Variants in HECW2 observed in about 807,000 individuals in gnomAD.
The protein encoded by HECW2 is E3 ubiquitin-protein ligase HECW2.
In HECW2, 61 loss-of-function variants were observed where a neutral mutation model predicts 175.2. The observed-to-expected ratio is 0.35, with a 90% CI of 0.28 to 0.43. HECW2 has a LOEUF of 0.43. Among genes scored for constraint, HECW2 ranks in the 20% least tolerant of loss-of-function variants. HECW2 has a pLI of 1.00. For missense variants in HECW2, 1,524 were observed against 2,000.5 expected, an observed-to-expected ratio of 0.76 and a Z score of 4.54; for synonymous variants, 671 against 731.0, an observed-to-expected ratio of 0.92 and a Z score of 1.32.
chr2:196,301,724 TG>T (rs61607826), intron 13 of HECW2, among the ~76,000 whole-genome samples: 16,104 of 137,982 alleles, frequency 0.12, 952 homozygotes, highest in South Asian at 0.2. Context: ...TTAATGGGAT[TG>T]TTTTTTTTTT....
rs1332736034 is a variant in HECW2 at position 196,307,125 on chromosome 2, C to G, written c.2689+5G>C. 3.1e-6 allele frequency: 5 copies of G among 1,597,762 alleles called. No individual in the cohort carries two copies. Among genetic ancestry groups the G allele is most frequent in the Non-Finnish European group, 4.3e-6 (5 of 1,165,252 alleles). On this transcript the variant is annotated splice_donor_5th_base_variant and intron_variant, in intron 12 of 28. Transcript: ENST00000644978. ...AATTACAAAAACAAAGCCCAAAGCT[C>G]TTACCTGCACTGGCTTGGTGAAAGT...
At chr2:196,408,030 A>G (rs912989905) in intron 2 of HECW2, among the ~76,000 whole-genome samples, 1 of 152,226 alleles carries the variant, frequency 6.6e-6, no homozygotes, top group African/African-American at 2.4e-5. Flanking sequence ...GTTTCACACC[A>G]TCCAGCACCT....
intron 1 of HECW2, among the ~76,000 whole-genome samples, chr2:196,482,875 T>A (rs1430743777): frequency 6.6e-6 from 1 of 152,292 alleles, no homozygotes; most frequent in East Asian, 1.9e-4. Context: ...TGGTTACACA[T>A]CGCAACACCA....
At chr2:196,565,106 G>A (rs1288403604) in intron 1 of HECW2, among the ~76,000 whole-genome samples, 1 of 152,034 alleles carries the variant, frequency 6.6e-6, no homozygotes, top group African/African-American at 2.4e-5. Context: ...ACTTCACAAT[G>A]AAGTCCAACT....
At chr2:196,357,379 C>T (rs745877142) in intron 2 of HECW2, among the ~76,000 whole-genome samples, 1 of 152,148 alleles carries the variant, frequency 6.6e-6, no homozygotes, top group Non-Finnish European at 1.5e-5. Context: ...AGTCAAACAC[C>T]ATCCTGTAAT....
chr2:196,416,673 C>T (rs1394027230), intron 2 of HECW2, among the ~76,000 whole-genome samples: 1 of 152,220 alleles, frequency 6.6e-6, no homozygotes, highest in Non-Finnish European at 1.5e-5. Context: ...ATTCCAAACC[C>T]TGCATGTGTG....
At chr2:196,454,424 C>T (rs1359488404) in intron 1 of HECW2, among the ~76,000 whole-genome samples, 1 of 152,110 alleles carries the variant, frequency 6.6e-6, no homozygotes, top group African/African-American at 2.4e-5. Flanking sequence ...GATGTATATA[C>T]CATAATTTAG....
intron 3 of HECW2, among the ~76,000 whole-genome samples, chr2:196,342,690 C>T (rs564723824): frequency 1.2e-3 from 188 of 152,220 alleles, no homozygotes; most frequent in African/African-American, 3.9e-3. Flanking sequence ...GAGTTATCTG[C>T]AGCCAATGTC....
chr2:196,546,785 C>T (rs1315128026), intron 1 of HECW2, among the ~76,000 whole-genome samples: 4 of 147,722 alleles, frequency 2.7e-5, no homozygotes, highest in Non-Finnish European at 5.9e-5. Context: ...GAATGCAACT[C>T]GTACAGAGAG....
In HECW2 at chr2:196,309,766, A is replaced by AT. The variant is rs1252934233; in HGVS notation, c.2435-1682dup. Among the ~76,000 whole-genome samples, 4 of 152,324 alleles carry AT rather than the reference A, an allele frequency of 2.6e-5. No homozygotes were observed. In the East Asian group the frequency reaches 7.7e-4, roughly 29 times the overall value. On this transcript the variant is annotated intron_variant, in intron 10 of 28. Coordinates refer to ENST00000644978, the MANE Select transcript of HECW2 (RefSeq NM_001348768.2). ...AAAATGTAGAATAGGTCAATTCAGG[A>AT]TAAAAAAATAGAGACCAACTAGACC...
At chr2:196,399,331 G>A (rs996600240) in intron 2 of HECW2, among the ~76,000 whole-genome samples, 1 of 152,132 alleles carries the variant, frequency 6.6e-6, no homozygotes, top group Non-Finnish European at 1.5e-5. Context: ...ATTACAAAGA[G>A]GTTAAAGTAA....
chr2:196,309,345 C>A (rs192332912), intron 10 of HECW2, among the ~76,000 whole-genome samples: 72 of 152,322 alleles, frequency 4.7e-4, no homozygotes, highest in Non-Finnish European at 8.8e-4. Context: ...AAAAGCACCA[C>A]ACAGACAGCA....
At chr2:196,458,798 G>C (rs769046320) in intron 1 of HECW2, among the ~76,000 whole-genome samples, 2 of 152,168 alleles carry the variant, frequency 1.3e-5, no homozygotes, top group Non-Finnish European at 2.9e-5. Flanking sequence ...CCCAGGAGGA[G>C]GAGGTTGCAG....
At chr2:196,254,956 T>G (rs962668973) in intron 18 of HECW2, among the ~76,000 whole-genome samples, 9 of 143,982 alleles carry the variant, frequency 6.3e-5, no homozygotes, top group African/African-American at 2.3e-4. Flanking sequence ...TCTTTATGTA[T>G]CCACAATCTG....
chr2:196,285,092 T>A (rs565747149), intron 14 of HECW2, among the ~76,000 whole-genome samples: 1 of 152,238 alleles, frequency 6.6e-6, no homozygotes, highest in African/African-American at 2.4e-5. Flanking sequence ...TCAGGAAATA[T>A]GGGCTAGTTG....
intron 4 of HECW2, chr2:196,331,417 T>A (rs1375571027): frequency 2.7e-6 from 1 of 368,738 alleles, no homozygotes; most frequent in Non-Finnish European, 3.8e-6. Flanking sequence ...TAACCTGCCA[T>A]TCCTTCTGTG....
intron 1 of HECW2, among the ~76,000 whole-genome samples, chr2:196,589,947 T>C (rs1453799424): frequency 1.3e-5 from 2 of 152,254 alleles, no homozygotes; most frequent in Non-Finnish European, 2.9e-5. Context: ...TGTGTGTAAA[T>C]AGATGACAAG....
chr2:196,459,168 A>G (rs1376516822), intron 1 of HECW2, among the ~76,000 whole-genome samples: 4 of 152,228 alleles, frequency 2.6e-5, no homozygotes, highest in Non-Finnish European at 5.9e-5. Flanking sequence ...AAATTTCCAG[A>G]AAAGGAGTAC....
intron 1 of HECW2, among the ~76,000 whole-genome samples, chr2:196,499,159 T>C (rs1687494944): frequency 6.6e-6 from 1 of 152,166 alleles, no homozygotes; most frequent in Non-Finnish European, 1.5e-5. Context: ...TCTGCTGCAA[T>C]ACCCGCCATC....
Sources: allele counts gnomAD v4.1 joint callset (sites outside exome capture counted in the v4.1 genomes callset), GRCh38; gene constraint gnomAD v4.1.1; transcripts MANE v1.5; gene names NCBI Gene and HGNC (gene_info 2026-07-23, HGNC 2026-07-21).